The following RANBP3 variants were observed in gnomAD, a reference collection of about 807,000 sequenced individuals.
RANBP3 encodes RAN binding protein 3.
In RANBP3, 14 loss-of-function variants were observed where a neutral mutation model predicts 77.3. The observed-to-expected ratio is 0.18, with a 90% CI of 0.12 to 0.28. The LOEUF (loss-of-function observed/expected upper bound fraction) is 0.28, where lower values mean the gene tolerates loss of function less well. Ranked by LOEUF, RANBP3 falls within the 10% of genes least tolerant of loss-of-function variation. RANBP3 has a pLI of 1.00. For synonymous variants in RANBP3, 315 were observed against 312.4 expected (o/e 1.01, Z -0.09); for missense variants, 586 against 752.3 (o/e 0.78, Z 2.59).
At chr19:5,927,388 A>G (rs1482133239) in intron 9 of RANBP3, among the ~76,000 whole-genome samples, 2 of 152,166 alleles carry the variant, frequency 1.3e-5, no homozygotes, top group East Asian at 1.9e-4. Context: ...TTAAAAAAAA[A>G]TAAGGTGACA....
intron 3 of RANBP3, among the ~76,000 whole-genome samples, chr19:5,944,968 C>T (rs1027117741): frequency 3.9e-5 from 6 of 152,212 alleles, no homozygotes; most frequent in Non-Finnish European, 7.3e-5. Flanking sequence ...CCCTCTCTGG[C>T]CTCTGTAGAC....
chr19:5,919,806 CAGG>C, intron 14 of RANBP3, among the ~76,000 whole-genome samples: 1 of 150,378 alleles, frequency 6.6e-6, no homozygotes, highest in East Asian at 2.0e-4. Context: ...GAGGCCGAGG[CAGG>C]AGAATCGCGT....
At chr19:5,973,372 C>A (rs1041344783) in intron 1 of RANBP3, among the ~76,000 whole-genome samples, 9 of 152,144 alleles carry the variant, frequency 5.9e-5, no homozygotes, top group African/African-American at 1.9e-4. Context: ...AGCAACTCTG[C>A]CCCCGGGGGG....
At position 5,921,920 on chromosome 19, in the gene RANBP3, G is replaced by A. The variant is rs1038566553; in HGVS notation, c.1210-599C>T. Among the ~76,000 whole-genome samples, 18 of 152,198 alleles carry A rather than the reference G, an allele frequency of 1.2e-4. No individual in the cohort carries two copies. The highest frequency in any genetic ancestry group is 4.3e-4 in the African/African-American group (18 of 41,432). ...CCCGCTGCAACGTGGATGAACCTCT[G>A]GCTCAGCGAGAGAAGCCAGACACGA... is the stretch of plus-strand genomic sequence containing the variant. On this transcript the variant is annotated intron_variant, in intron 13 of 16. Coordinates refer to ENST00000340578, the MANE Select transcript of RANBP3 (RefSeq NM_007322.3). This position sits in a 1 kb window ranked among gnomAD's most constrained non-coding sequence, Gnocchi z 5.3.
At chr19:5,940,495 C>A (rs2058121795) in intron 5 of RANBP3, among the ~76,000 whole-genome samples, 1 of 152,202 alleles carries the variant, frequency 6.6e-6, no homozygotes, top group Admixed American at 6.5e-5. Flanking sequence ...AAACCTAATG[C>A]AGCTGTGCAA....
In RANBP3 at chr19:5,959,463, C is replaced by T. The variant is rs144449815; in HGVS notation, c.23-1490G>A. On this transcript the variant is annotated intron_variant, in intron 1 of 16. Transcript: ENST00000340578. This position sits in a 1 kb window ranked among gnomAD's most constrained non-coding sequence, Gnocchi z 5.1. ...GTGACATTCCCCCCACCATGCTCCC[C>T]GAAGCCTCGGCACACCAGGGTCTGA... Among the ~76,000 whole-genome samples the T allele has an allele frequency of 2.0e-5, 3 of 152,188 alleles. No individual in the cohort carries two copies. The highest frequency in any genetic ancestry group is 7.2e-5 in the African/African-American group (3 of 41,526).
intron 1 of RANBP3, among the ~76,000 whole-genome samples, chr19:5,973,545 G>A (rs572964899): frequency 6.6e-6 from 1 of 152,320 alleles, no homozygotes; most frequent in South Asian, 2.1e-4. Flanking sequence ...GATGTCTGTA[G>A]TGCTCAGGCT....
intron 3 of RANBP3, among the ~76,000 whole-genome samples, chr19:5,944,006 C>G (rs2058171859): frequency 6.6e-6 from 1 of 152,244 alleles, no homozygotes; most frequent in Non-Finnish European, 1.5e-5. Context: ...CTGCCATTTT[C>G]TACGGGTGAA....
At chr19:5,965,328 A>T (rs529182160) in intron 1 of RANBP3, among the ~76,000 whole-genome samples, 1 of 152,118 alleles carries the variant, frequency 6.6e-6, no homozygotes, top group South Asian at 2.1e-4. Flanking sequence ...AAGAGTAAGG[A>T]GGGTGAAAGG....
At chr19:5,977,999 C>T in intron 1 of RANBP3, 62 bp downstream of exon 1, 3 of 1,601,270 alleles carry the variant, frequency 1.9e-6, no homozygotes, top group Non-Finnish European at 2.6e-6. Context: ...GGCTTGTGGC[C>T]CCTAGTCCTC....
In RANBP3 at chr19:5,923,185, G is replaced by GC. The variant is rs763703504; in HGVS notation, c.1209+8dup. 1.2e-6 allele frequency: 2 copies of GC among 1,612,632 alleles called. No individual in the cohort carries two copies. The highest frequency in any genetic ancestry group is 2.2e-5 in the East Asian group (1 of 44,850). ...ACCCAGGGCCACCGAGGAGGGGCCGGCCCCTCACCTGTAACACATTGCTCT... is the reference window on the plus strand; with the variant it reads ...ACCCAGGGCCACCGAGGAGGGGCCGGCCCCCTCACCTGTAACACATTGCTCT... On this transcript the variant is annotated intron_variant, in intron 13 of 16. Transcript: ENST00000340578.
chr19:5,946,908 C>T (rs1378421284), intron 3 of RANBP3, among the ~76,000 whole-genome samples: 2 of 152,222 alleles, frequency 1.3e-5, no homozygotes, highest in Admixed American at 6.5e-5. Context: ...CTGGGGCCAC[C>T]CCTCACCCCA....
chr19:5,924,780 G>A lies in RANBP3; in HGVS notation c.996+47C>T, dbSNP rs777841663. The A allele has an allele frequency of 9.6e-6, 15 of 1,562,132 alleles. No homozygotes were observed. In the East Asian group the frequency reaches 1.8e-4, roughly 19 times the overall value. ...CATGTCCCCTTGACCTGTGGCTGGC[G>A]CCGAGAGCCTCTGGTCCCTGAGAAC... On this transcript the variant is annotated intron_variant, in intron 11 of 16. Coordinates refer to ENST00000340578, the MANE Select transcript of RANBP3 (RefSeq NM_007322.3). This position sits in a 1 kb window ranked among gnomAD's most constrained non-coding sequence, Gnocchi z 4.7.
intron 14 of RANBP3, among the ~76,000 whole-genome samples, chr19:5,920,549 ATATTT>A (rs1568444406): frequency 6.6e-6 from 1 of 152,056 alleles, no homozygotes; most frequent in Admixed American, 6.6e-5. Flanking sequence ...CAAAAACAGT[ATATTT>A]TATTTTTTTT....
At chr19:5,964,612 T>C in intron 1 of RANBP3, among the ~76,000 whole-genome samples, 1 of 151,858 alleles carries the variant, frequency 6.6e-6, no homozygotes, top group Admixed American at 6.6e-5. Flanking sequence ...CCAGTGAGGC[T>C]GTGAAGGGAG....
chr19:5,926,423 C>T (rs987946510), intron 9 of RANBP3, among the ~76,000 whole-genome samples: 12 of 152,018 alleles, frequency 7.9e-5, no homozygotes, highest in African/African-American at 2.2e-4. Flanking sequence ...TGGCAGTGGG[C>T]GCCTGTAATC....
At chr19:5,918,716 G>T in intron 14 of RANBP3, 78 bp from the exon 15 acceptor site, 1 of 1,532,212 alleles carries the variant, frequency 6.5e-7, no homozygotes. Flanking sequence ...AGCCAACACA[G>T]TCCAGATGGA....
chr19:5,923,917 G>A lies in RANBP3; in HGVS notation c.997-3C>T. ...ACCTCGTTTAATTTTGGGGGGCTCT[G>A]CAGGGACACAAAAGCATACAAGGAA... On this transcript the variant is annotated splice_polypyrimidine_tract_variant and splice_region_variant and intron_variant, in intron 11 of 16. Transcript: ENST00000340578. 6.2e-7 allele frequency: 1 copy of A among 1,609,910 alleles called. No individual in the cohort carries two copies. Among genetic ancestry groups the A allele is most frequent in the South Asian group, 1.1e-5 (1 of 90,990 alleles).
At position 5,921,906 on chromosome 19, in the gene RANBP3, G is replaced by A. The variant is rs1460811379; in HGVS notation, c.1210-585C>T. Among the ~76,000 whole-genome samples the A allele has an allele frequency of 2.6e-5, 4 of 152,226 alleles. No homozygotes were observed. Among genetic ancestry groups the A allele is most frequent in the African/African-American group, 7.2e-5 (3 of 41,450 alleles). ...ACAAGGCTCCGACCCCCGCTGCAAC[G>A]TGGATGAACCTCTGGCTCAGCGAGA... On this transcript the variant is annotated intron_variant, in intron 13 of 16. Transcript: ENST00000340578. This position sits in a 1 kb window ranked among gnomAD's most constrained non-coding sequence, Gnocchi z 5.3.
Sources: gnomAD v4.1 joint callset for allele counts (sites outside exome capture counted in the v4.1 genomes callset) on GRCh38, gnomAD v4.1.1 for gene constraint, Gnocchi (gnomAD v3.1) non-coding constraint, MANE v1.5 for transcripts, NCBI Gene and HGNC (gene_info 2026-07-23, HGNC 2026-07-21) for gene names.